ARHGAP15: variants seen among roughly 807,000 people sequenced by gnomAD.
The protein encoded by ARHGAP15 is Rho GTPase activating protein 15.
A neutral mutation model predicts 63.7 loss-of-function variants in ARHGAP15; 51 were observed. That is an observed-to-expected ratio of 0.80 (90% CI 0.64 to 1.01). The LOEUF is 1.01. Ranked by LOEUF, ARHGAP15 falls within the 50% of genes least tolerant of loss-of-function variation. The pLI is 0.00. For synonymous variants in ARHGAP15, 191 were observed against 193.8 expected (o/e 0.99, Z 0.12); for missense variants, 560 against 564.6 (o/e 0.99, Z 0.08).
intron 13 of ARHGAP15, among the ~76,000 whole-genome samples, chr2:143,732,602 G>A (rs1409808941): frequency 6.6e-6 from 1 of 151,878 alleles, no homozygotes; most frequent in Non-Finnish European, 1.5e-5. Flanking sequence ...TGTATTTCAG[G>A]GAAGATCTAA....
At chr2:143,304,275 T>TA (rs1278311446) in intron 6 of ARHGAP15, among the ~76,000 whole-genome samples, 1 of 152,004 alleles carries the variant, frequency 6.6e-6, no homozygotes, top group Non-Finnish European at 1.5e-5. Context: ...TATGCAGCCA[T>TA]AAAAAAGGAT....
At chr2:143,270,988 T>C (rs1681250826) in intron 6 of ARHGAP15, among the ~76,000 whole-genome samples, 1 of 152,238 alleles carries the variant, frequency 6.6e-6, no homozygotes, top group African/African-American at 2.4e-5. Flanking sequence ...TTTTCAATCT[T>C]CACAAATTCA....
chr2:143,391,236 A>G (rs1687525812), intron 6 of ARHGAP15, among the ~76,000 whole-genome samples: 1 of 152,180 alleles, frequency 6.6e-6, no homozygotes, highest in Non-Finnish European at 1.5e-5. Context: ...CTGTACAAAA[A>G]TGTAGTTGAT....
intron 6 of ARHGAP15, among the ~76,000 whole-genome samples, chr2:143,327,918 AAAT>A (rs1031640898): frequency 3.4e-5 from 4 of 118,384 alleles, no homozygotes; most frequent in African/African-American, 1.6e-4. Context: ...CAAAAAAAAA[AAAT>A]CCAAAAAGTG....
At chr2:143,319,513 C>T (rs1476332969) in intron 6 of ARHGAP15, among the ~76,000 whole-genome samples, 1 of 152,148 alleles carries the variant, frequency 6.6e-6, no homozygotes, top group African/African-American at 2.4e-5. Context: ...TGAGCCACCG[C>T]ACCTGGCCAG....
intron 6 of ARHGAP15, among the ~76,000 whole-genome samples, chr2:143,279,976 T>C (rs1211570622): frequency 6.6e-6 from 1 of 152,270 alleles, no homozygotes; most frequent in African/African-American, 2.4e-5. Context: ...GCTTGGGAAG[T>C]GGCTGTTGCT....
chr2:143,705,231 A>G, intron 13 of ARHGAP15, among the ~76,000 whole-genome samples: 1 of 152,036 alleles, frequency 6.6e-6, no homozygotes, highest in Middle Eastern at 3.2e-3. Context: ...GTCTTATTTT[A>G]CTCTCAAAAG....
At chr2:143,218,991 C>T (rs1270605344) in intron 4 of ARHGAP15, among the ~76,000 whole-genome samples, 1 of 152,164 alleles carries the variant, frequency 6.6e-6, no homozygotes, top group East Asian at 1.9e-4. Flanking sequence ...ATCTATATGT[C>T]GTCCATTGTG....
At chr2:143,443,602 A>T (rs896891665) in intron 8 of ARHGAP15, among the ~76,000 whole-genome samples, 1 of 152,168 alleles carries the variant, frequency 6.6e-6, no homozygotes. Context: ...TTGTCTTTTC[A>T]GTTGTTTTTC....
chr2:143,736,214 A>G (rs1366186412), intron 13 of ARHGAP15, among the ~76,000 whole-genome samples: 1 of 152,176 alleles, frequency 6.6e-6, no homozygotes, highest in Non-Finnish European at 1.5e-5. Context: ...CCTGACCAAC[A>G]TGGTGAAACC....
intron 10 of ARHGAP15, among the ~76,000 whole-genome samples, chr2:143,531,789 A>G (rs1045333599): frequency 6.6e-6 from 1 of 152,254 alleles, no homozygotes; most frequent in African/African-American, 2.4e-5. Context: ...ATACTGTGGA[A>G]TAAAATTGTA....
In ARHGAP15 at chr2:143,703,409, T is replaced by G; in HGVS notation, c.1139-10T>G. The G allele has an allele frequency of 3.1e-6, 5 of 1,597,362 alleles. No homozygotes were observed. Among genetic ancestry groups the G allele is most frequent in the Non-Finnish European group, 4.3e-6 (5 of 1,175,064 alleles). On this transcript the variant is annotated splice_polypyrimidine_tract_variant and intron_variant, in intron 12 of 13. Transcript: ENST00000295095. Reference sequence around the variant, plus strand: ...TTTTCCCTAACCTTCCTTTTTATTTTTTTTTCCAGAAAAGCAAGACAACAA... The same window carrying G: ...TTTTCCCTAACCTTCCTTTTTATTTGTTTTTCCAGAAAAGCAAGACAACAA...
chr2:143,447,929 G>T (rs1690220914), intron 8 of ARHGAP15, among the ~76,000 whole-genome samples: 1 of 152,120 alleles, frequency 6.6e-6, no homozygotes, highest in South Asian at 2.1e-4. Flanking sequence ...CAGTCCCTGA[G>T]ACAAAGATTT....
intron 10 of ARHGAP15, among the ~76,000 whole-genome samples, chr2:143,523,352 A>G (rs1694137172): frequency 6.6e-6 from 1 of 152,176 alleles, no homozygotes; most frequent in East Asian, 1.9e-4. Context: ...CGTGTGTTTA[A>G]AAATGATGTA....
chr2:143,279,104 A>G (rs1256343969), intron 6 of ARHGAP15, among the ~76,000 whole-genome samples: 3 of 152,140 alleles, frequency 2.0e-5, no homozygotes, highest in Non-Finnish European at 4.4e-5. Flanking sequence ...TGGGAGGATT[A>G]ATTAGATAAA....
intron 11 of ARHGAP15, among the ~76,000 whole-genome samples, chr2:143,573,402 C>A (rs554983318): frequency 1.3e-5 from 2 of 152,160 alleles, no homozygotes; most frequent in East Asian, 3.9e-4. Flanking sequence ...TCAAAAATAA[C>A]ATGTAAACTA....
intron 6 of ARHGAP15, among the ~76,000 whole-genome samples, chr2:143,396,853 A>G (rs958631711): frequency 1.3e-5 from 2 of 152,100 alleles, no homozygotes; most frequent in South Asian, 4.1e-4. Flanking sequence ...TGATTGTAGG[A>G]ATATGTATAT....
chr2:143,526,986 C>A lies in ARHGAP15; in HGVS notation c.925+7622C>A, dbSNP rs190287717. ...TACATTGTATTTGTGTAGGTATTTC[C>A]CTAGGGTTTAAAAATTAATGATAAT... On this transcript the variant is annotated intron_variant, in intron 10 of 13. Transcript: ENST00000295095. 1.7e-3 allele frequency among the ~76,000 whole-genome samples: 263 copies of A among 151,976 alleles called. 2 individuals are homozygous for A. Among genetic ancestry groups the A allele is most frequent in the African/African-American group, 6.3e-3 (261 of 41,474 alleles).
intron 2 of ARHGAP15, among the ~76,000 whole-genome samples, chr2:143,177,585 C>T (rs562255323): frequency 1.3e-4 from 20 of 152,192 alleles, no homozygotes; most frequent in Non-Finnish European, 2.5e-4. Context: ...AGGGAGTGTT[C>T]TACATCAGTG....
Sources: allele counts gnomAD v4.1 joint callset (sites outside exome capture counted in the v4.1 genomes callset), GRCh38; gene constraint gnomAD v4.1.1; transcripts MANE v1.5; gene names NCBI Gene and HGNC (gene_info 2026-07-23, HGNC 2026-07-21).